ZSWIM5: variants seen among roughly 807,000 people sequenced by gnomAD.
ZSWIM5 encodes the protein zinc finger SWIM-type containing 5.
Under a neutral mutation model 119.6 loss-of-function variants are expected in ZSWIM5, and 55 were observed. The ratio of observed to expected loss-of-function variants is 0.46; its 90% CI spans 0.37 to 0.58. The LOEUF is 0.58. Among genes scored for constraint, ZSWIM5 ranks in the 20% least tolerant of loss-of-function variants. The probability of loss-of-function intolerance (pLI) is 0.00; values close to 1 mark genes in which losing one functional copy is unlikely to be tolerated. For missense variants in ZSWIM5, 1,193 were observed against 1,512.8 expected (o/e 0.79, Z 3.51); for synonymous variants, 537 against 606.9 (o/e 0.88, Z 1.69).
At chr1:45,049,762 C>T (rs1043893139) in intron 5 of ZSWIM5, among the ~76,000 whole-genome samples, 2 of 152,004 alleles carry the variant, frequency 1.3e-5, no homozygotes, top group Non-Finnish European at 2.9e-5. Context: ...TGCAGTGAGC[C>T]GAGATCGCAG....
At chr1:45,092,853 G>A (rs1347379547) in intron 1 of ZSWIM5, among the ~76,000 whole-genome samples, 1 of 152,198 alleles carries the variant, frequency 6.6e-6, no homozygotes, top group African/African-American at 2.4e-5. Flanking sequence ...GCAGCACCGG[G>A]GCCTGCCCCA....
intron 12 of ZSWIM5, 140 bp downstream of exon 12, chr1:45,020,485 T>C (rs1337712150): frequency 9.3e-7 from 1 of 1,072,336 alleles, no homozygotes; most frequent in Non-Finnish European, 1.4e-6. Context: ...CCTTGCCTTT[T>C]CCCTAGCCTA....
At chr1:45,173,126 C>T (rs1344088342) in intron 1 of ZSWIM5, among the ~76,000 whole-genome samples, 1 of 152,114 alleles carries the variant, frequency 6.6e-6, no homozygotes, top group Non-Finnish European at 1.5e-5. Context: ...GATCATACCA[C>T]TGTACTCCAG....
At chr1:45,060,353 C>A in intron 2 of ZSWIM5, 106 bp from the exon 3 acceptor site, 1 of 1,187,246 alleles carries the variant, frequency 8.4e-7, no homozygotes, top group East Asian at 2.6e-5. Context: ...GGTCATTCTG[C>A]TTTAATATGG....
At chr1:45,102,100 G>A (rs762661190) in intron 1 of ZSWIM5, among the ~76,000 whole-genome samples, 9 of 151,566 alleles carry the variant, frequency 5.9e-5, no homozygotes, top group Non-Finnish European at 8.8e-5. Context: ...GTCTGGCATA[G>A]AGTAAACATT....
At position 45,073,050 on chromosome 1, in the gene ZSWIM5, T is replaced by C. The variant is rs562330746; in HGVS notation, c.953-12803A>G. Reference sequence around the variant, plus strand: ...TAACAATATTGATTTTTCCAATCCATGAACATGGAATATCTTTCCATTTTT... The same window carrying C: ...TAACAATATTGATTTTTCCAATCCACGAACATGGAATATCTTTCCATTTTT... On this transcript the variant is annotated intron_variant, in intron 2 of 13. Transcript: ENST00000359600. Among the ~76,000 whole-genome samples the C allele has an allele frequency of 1.7e-4, 26 of 152,040 alleles. No homozygotes were observed. The East Asian group carries it at 5.0e-3, about 29-fold the overall frequency.
chr1:45,186,428 TA>T (rs1205759806), intron 1 of ZSWIM5, among the ~76,000 whole-genome samples: 9 of 147,328 alleles, frequency 6.1e-5, no homozygotes, highest in Admixed American at 5.4e-4. Context: ...AAAATAATAA[TA>T]AAATCCCTTG....
At chr1:45,098,753 A>T (rs1232312090) in intron 1 of ZSWIM5, among the ~76,000 whole-genome samples, 1 of 152,158 alleles carries the variant, frequency 6.6e-6, no homozygotes, top group Non-Finnish European at 1.5e-5. Flanking sequence ...CTCACTCAAA[A>T]CCGCACAACT....
chr1:45,083,196 C>A (rs1011985565), intron 2 of ZSWIM5, among the ~76,000 whole-genome samples: 3 of 152,170 alleles, frequency 2.0e-5, no homozygotes, highest in African/African-American at 7.2e-5. Flanking sequence ...GAGTATAAAG[C>A]AACGTAACAT....
chr1:45,165,355 G>C (rs1320353511), intron 1 of ZSWIM5, among the ~76,000 whole-genome samples: 3 of 152,068 alleles, frequency 2.0e-5, no homozygotes, highest in African/African-American at 7.2e-5. Flanking sequence ...ATGCCTACAA[G>C]AGAAAGCAGG....
Position 45,040,460 on chromosome 1 carries a change from A to G in ZSWIM5, c.1688T>C (p.Val563Ala). 1 of 1,612,330 alleles carries G rather than the reference A, an allele frequency of 6.2e-7. No homozygotes were observed. The highest frequency in any genetic ancestry group is 8.5e-7 in the Non-Finnish European group (1 of 1,179,252). ...CAACCTCAGAGTATTAATAATGGCC[A>G]CTGTGAGTCTGAGGGCCTCTTTTGG... ...GYPKEALRLT[V>A]AIINTLRLQQ... The change falls in exon 7 of 14, where the codon GTG (valine) becomes GCG (alanine). Residue 563 changes from valine (V) to alanine (A), a missense_variant. Around this residue, in one of 2 missense-constraint regions of ZSWIM5, gnomAD observed 961 missense variants for 1,290.0 expected, o/e 0.74. Transcript: ENST00000359600.
At position 45,088,020 on chromosome 1, in the gene ZSWIM5, G is replaced by A; in HGVS notation, c.813C>T (p.Thr271=). ...QVKLRLPISE[T]LFQMNRDQLQ... is the part of the protein sequence containing the mutation. ...GCTGGTCCCTATTCATCTGGAAAAG[G>A]GTTTCGGAGATAGGAAGACGCAATT... The change falls in exon 2 of 14, where the codon ACC becomes ACT. Residue 271 remains threonine (T), a synonymous_variant. Transcript: ENST00000359600. The surrounding 1 kb of genome is among the most constrained non-coding windows in gnomAD (Gnocchi z 4.2). The A allele has an allele frequency of 1.9e-6, 3 of 1,614,148 alleles. No homozygotes were observed. The highest frequency in any genetic ancestry group is 1.7e-6 in the Non-Finnish European group (2 of 1,180,022).
In ZSWIM5 at chr1:45,019,225, G is replaced by A; in HGVS notation, c.2787C>T (p.Ser929=). ...ATSIVAATAV[S]HTTILRLSLD... is the part of the protein sequence containing the mutation. Reference sequence around the variant, plus strand: ...GACTGAGGCGCAGGATAGTGGTGTGGGATACGGCTGTGGCAGCTACAATAC... The same window carrying A: ...GACTGAGGCGCAGGATAGTGGTGTGAGATACGGCTGTGGCAGCTACAATAC... Residue 929 remains serine (S), a synonymous_variant, in exon 14 of 14, where the codon TCC becomes TCT. Transcript: ENST00000359600. This position sits in a 1 kb window ranked among gnomAD's most constrained non-coding sequence, Gnocchi z 5.0. The A allele has an allele frequency of 1.9e-6, 3 of 1,613,710 alleles. No homozygotes were observed. The highest frequency in any genetic ancestry group is 2.5e-6 in the Non-Finnish European group (3 of 1,180,024).
At chr1:45,150,513 G>C (rs566843270) in intron 1 of ZSWIM5, among the ~76,000 whole-genome samples, 6 of 152,238 alleles carry the variant, frequency 3.9e-5, no homozygotes, top group African/African-American at 1.4e-4. Flanking sequence ...TCCAAATAGA[G>C]ATGTTCATTT....
At chr1:45,190,220 G>C (rs1241175486) in intron 1 of ZSWIM5, among the ~76,000 whole-genome samples, 4 of 152,120 alleles carry the variant, frequency 2.6e-5, no homozygotes, top group African/African-American at 9.7e-5. Context: ...AGCTACTCGG[G>C]AGGCTGAAGT....
chr1:45,178,864 C>T (rs1645996746), intron 1 of ZSWIM5, among the ~76,000 whole-genome samples: 1 of 151,846 alleles, frequency 6.6e-6, no homozygotes, highest in Admixed American at 6.6e-5. Context: ...ATCTGGCATT[C>T]ATTGTAGATT....
intron 1 of ZSWIM5, among the ~76,000 whole-genome samples, chr1:45,109,124 G>A (rs1249274160): frequency 6.6e-6 from 1 of 152,232 alleles, no homozygotes; most frequent in African/African-American, 2.4e-5. Context: ...AACAAATTCA[G>A]TTAGGACAAT....
At chr1:45,132,259 A>C in intron 1 of ZSWIM5, among the ~76,000 whole-genome samples, 1 of 152,126 alleles carries the variant, frequency 6.6e-6, no homozygotes, top group Non-Finnish European at 1.5e-5. Context: ...CGGTGAGAAG[A>C]TGCTACTCAA....
At chr1:45,031,078 G>A (rs937530846) in intron 11 of ZSWIM5, among the ~76,000 whole-genome samples, 2 of 151,236 alleles carry the variant, frequency 1.3e-5, no homozygotes, top group Non-Finnish European at 2.9e-5. Context: ...GATTACAGGC[G>A]TGAGCCACCG....
Sources: gnomAD v4.1 joint callset for allele counts (sites outside exome capture counted in the v4.1 genomes callset) on GRCh38, gnomAD v4.1.1 for gene constraint, gnomAD v4.1.1 regional missense constraint, Gnocchi (gnomAD v3.1) non-coding constraint, MANE v1.5 for transcripts, NCBI Gene and HGNC (gene_info 2026-07-23, HGNC 2026-07-21) for gene names.